Variants in CECR2 observed in about 807,000 individuals in gnomAD.
CECR2 encodes the protein CECR2 histone acetyl-lysine reader, also known as chromatin remodeling regulator CECR2.
CECR2 carries 30 observed loss-of-function variants against 154.5 expected under a neutral mutation model. The observed-to-expected ratio is 0.19, with a 90% CI of 0.15 to 0.26. The LOEUF is 0.26. CECR2 is among the 10% of genes least tolerant of loss of function. CECR2 has a pLI of 1.00. For synonymous variants in CECR2, 725 were observed against 683.7 expected, an observed-to-expected ratio of 1.06 and a Z score of -0.94; for missense variants, 1,743 against 1,829.3, an observed-to-expected ratio of 0.95 and a Z score of 0.86.
intron 9 of CECR2, among the ~76,000 whole-genome samples, chr22:17,525,745 CT>C (rs2056254089): frequency 6.6e-6 from 1 of 152,110 alleles, no homozygotes; most frequent in African/African-American, 2.4e-5. Flanking sequence ...TAATAACTGG[CT>C]TTTATTTGTT....
At chr22:17,531,369 G>A (rs886891838) in intron 9 of CECR2, among the ~76,000 whole-genome samples, 8 of 152,146 alleles carry the variant, frequency 5.3e-5, no homozygotes, top group African/African-American at 7.2e-5. Context: ...TGAGTTGAAC[G>A]GCATCAGCAA....
chr22:17,426,615 C>G (rs867371658), intron 1 of CECR2, among the ~76,000 whole-genome samples: 1 of 152,232 alleles, frequency 6.6e-6, no homozygotes, highest in Admixed American at 6.5e-5. Context: ...CCTCAGCCTC[C>G]CAAAGTGTTG....
chr22:17,512,705 CAG>C (rs1555944445), intron 8 of CECR2, among the ~76,000 whole-genome samples: 4,521 of 21,562 alleles, frequency 0.21, 145 homozygotes, highest in African/African-American at 0.34. Flanking sequence ...CACTCTGTCT[CAG>C]AAAAAAAAAA....
intron 1 of CECR2, among the ~76,000 whole-genome samples, chr22:17,391,857 A>G (rs1333860723): frequency 6.6e-6 from 1 of 152,216 alleles, no homozygotes; most frequent in Non-Finnish European, 1.5e-5. Context: ...GCGGGAGTAC[A>G]GTGGCGCAAT....
At chr22:17,545,479 A>C (rs573698220) in intron 16 of CECR2, among the ~76,000 whole-genome samples, 130 of 151,724 alleles carry the variant, frequency 8.6e-4, no homozygotes, top group African/African-American at 2.8e-3. Context: ...GCTTATTTCT[A>C]GGATAAATAT....
At chr22:17,500,770 T>C (rs2055723644) in intron 5 of CECR2, 35 bp downstream of exon 5, 3 of 1,368,672 alleles carry the variant, frequency 2.2e-6, no homozygotes, top group Non-Finnish European at 3.0e-6. Flanking sequence ...TCATAGACCA[T>C]GGCAGAAGGG....
intron 1 of CECR2, among the ~76,000 whole-genome samples, chr22:17,378,696 G>A (rs1569041964): frequency 6.6e-6 from 1 of 152,144 alleles, no homozygotes. Context: ...TATGTCCGGC[G>A]GGGTGAAATT....
chr22:17,422,059 A>T (rs1397392749), intron 1 of CECR2, among the ~76,000 whole-genome samples: 1 of 151,856 alleles, frequency 6.6e-6, no homozygotes, highest in East Asian at 1.9e-4. Flanking sequence ...CTGAGAAGTC[A>T]GATATATTGT....
intron 1 of CECR2, among the ~76,000 whole-genome samples, chr22:17,432,014 T>C (rs1020602993): frequency 3.3e-5 from 5 of 149,830 alleles, no homozygotes; most frequent in African/African-American, 1.0e-4. Context: ...TGACATTTCC[T>C]GTAAGTGGAA....
intron 1 of CECR2, among the ~76,000 whole-genome samples, chr22:17,370,799 C>T (rs1464526248): frequency 2.0e-5 from 3 of 152,202 alleles, no homozygotes; most frequent in African/African-American, 4.8e-5. Flanking sequence ...AGCGGCAGCC[C>T]CCTTTCTCCT....
At chr22:17,437,663 A>G (rs994416904) in intron 1 of CECR2, among the ~76,000 whole-genome samples, 1 of 152,040 alleles carries the variant, frequency 6.6e-6, no homozygotes, top group African/African-American at 2.4e-5. Context: ...ACTTCTTTTT[A>G]TGTATGCTTT....
intron 7 of CECR2, among the ~76,000 whole-genome samples, chr22:17,505,835 C>CTTT (rs3994825): frequency 0.18 from 15,488 of 84,480 alleles, 2,136 homozygotes; most frequent in East Asian, 0.37. Flanking sequence ...CTGCACCCGG[C>CTTT]TTTTTTTTTT....
At chr22:17,510,882 G>A (rs1009767453) in intron 7 of CECR2, among the ~76,000 whole-genome samples, 2 of 152,316 alleles carry the variant, frequency 1.3e-5, no homozygotes, top group African/African-American at 4.8e-5. Flanking sequence ...TGGGATTACA[G>A]GCGTGAGCCA....
At chr22:17,518,837 G>T in intron 8 of CECR2, 1 of 275,192 alleles carries the variant, frequency 3.6e-6, no homozygotes, top group East Asian at 1.1e-4. Context: ...GCTACTGAGA[G>T]CTGATGTAGG....
chr22:17,451,431 G>A (rs939131332), intron 1 of CECR2, among the ~76,000 whole-genome samples: 1 of 152,240 alleles, frequency 6.6e-6, no homozygotes, highest in African/African-American at 2.4e-5. Context: ...AAGCAGTTTC[G>A]AGATGAATGC....
chr22:17,466,598 C>CCTTTTTTTTTTT lies in CECR2; in HGVS notation c.127-10990_127-10989insCTTTTTTTTTTT, dbSNP rs555359003. ...CCACTATTGTTACTTAAAACCTTGC[C>CCTTTTTTTTTTT]TTTTTTTTTTTTTTGAGAAGGAGTC... is the stretch of plus-strand genomic sequence containing the variant. On this transcript the variant is annotated intron_variant, in intron 1 of 18. Coordinates refer to ENST00000262608, the MANE Select transcript of CECR2 (RefSeq NM_001290047.2). Among the ~76,000 whole-genome samples the CCTTTTTTTTTTT allele has an allele frequency of 1.6e-3, 226 of 140,194 alleles. 5 individuals are homozygous for CCTTTTTTTTTTT. The highest frequency in any genetic ancestry group is 5.5e-3 in the African/African-American group (209 of 38,316). The allele number at this position is 140,194 out of a possible 152,430, so 92.0% of individuals were successfully genotyped here.
chr22:17,519,934 G>A (rs2056127343), intron 8 of CECR2, among the ~76,000 whole-genome samples: 1 of 151,980 alleles, frequency 6.6e-6, no homozygotes, highest in South Asian at 2.1e-4. Context: ...GGGACTACAG[G>A]CACACACCAC....
intron 1 of CECR2, among the ~76,000 whole-genome samples, chr22:17,437,481 C>T (rs1161337127): frequency 6.6e-6 from 1 of 152,080 alleles, no homozygotes; most frequent in Non-Finnish European, 1.5e-5. Flanking sequence ...ATTTAAATTC[C>T]AGCTTATTGG....
chr22:17,538,392 C>G, intron 10 of CECR2, 128 bp from the exon 11 acceptor site: 1 of 816,636 alleles, frequency 1.2e-6, no homozygotes, highest in Non-Finnish European at 2.1e-6. Context: ...GTCACAGGCT[C>G]ATCTAAACCA....
Sources: gnomAD v4.1 joint callset for allele counts (sites outside exome capture counted in the v4.1 genomes callset) on GRCh38, gnomAD v4.1.1 for gene constraint, MANE v1.5 for transcripts, NCBI Gene and HGNC (gene_info 2026-07-23, HGNC 2026-07-21) for gene names.